DNAH10: variants seen among roughly 807,000 people sequenced by gnomAD.
The protein encoded by DNAH10 is axonemal beta dynein heavy chain 10.
A neutral mutation model predicts 506.6 loss-of-function variants in DNAH10; 348 were observed. The observed-to-expected ratio is 0.69, with a 90% CI of 0.63 to 0.75. DNAH10 has a LOEUF of 0.75. Ranked by LOEUF, DNAH10 falls within the 30% of genes least tolerant of loss-of-function variation. The pLI is 0.00. For synonymous variants in DNAH10, 2,059 were observed against 2,198.6 expected, an observed-to-expected ratio of 0.94 and a Z score of 1.78; for missense variants, 5,179 against 5,787.1, an observed-to-expected ratio of 0.89 and a Z score of 3.41.
intron 1 of DNAH10, among the ~76,000 whole-genome samples, chr12:123,766,748 G>A (rs1029357307): frequency 2.0e-5 from 3 of 152,142 alleles, no homozygotes; most frequent in African/African-American, 7.2e-5. Context: ...TGAGGCACCT[G>A]TTTCCCAATG....
rs1311451662 is a variant in DNAH10 at position 123,800,341 on chromosome 12, C to G, written c.2415C>G (p.Val805=). ...ACTTAGAGCAGCTGGGGTTCACTGT[C>G]CCTGAATTAGCAAGAAATGTTGCTC... ...TKYLEQLGFT[V]PELARNVALQ... is the part of the protein sequence containing the mutation. Residue 805 remains valine (V), a synonymous_variant, in exon 15 of 79, where the codon GTC becomes GTG. Transcript: ENST00000673944. The G allele has an allele frequency of 6.2e-7, 1 of 1,613,918 alleles. No individual in the cohort carries two copies. The highest frequency in any genetic ancestry group is 1.3e-5 in the African/African-American group (1 of 74,896).
At chr12:123,849,045 A>T (rs1951063821) in intron 34 of DNAH10, among the ~76,000 whole-genome samples, 163 bp downstream of exon 34, 1 of 152,150 alleles carries the variant, frequency 6.6e-6, no homozygotes, top group Admixed American at 6.5e-5. Flanking sequence ...GGTTTCCAAA[A>T]TTATCATCAT....
rs1335764839 is a variant in DNAH10 at position 123,841,492 on chromosome 12, T to C, written c.5307T>C (p.Thr1769=). ...CAGTTTTGAATGAGATGAGAAGAAC[T>C]AATAGACTAATTACCAAAGAGGCTA... ...MTAVLNEMRR[T]NRLITKEAIF... is the part of the protein sequence containing the mutation. The change falls in exon 30 of 79, where the codon ACT becomes ACC. Residue 1769 remains threonine (T), a synonymous_variant. Coordinates refer to ENST00000673944, the MANE Select transcript of DNAH10 (RefSeq NM_001372106.1). 6.2e-7 allele frequency: 1 copy of C among 1,613,838 alleles called. No individual in the cohort carries two copies. The highest frequency in any genetic ancestry group is 8.5e-7 in the Non-Finnish European group (1 of 1,179,902).
chr12:123,858,341 C>T (rs1951481464), intron 37 of DNAH10, among the ~76,000 whole-genome samples: 1 of 152,138 alleles, frequency 6.6e-6, no homozygotes, highest in Non-Finnish European at 1.5e-5. Context: ...TCGGGTCGGG[C>T]AGCTTCAGGG....
Position 123,771,601 on chromosome 12 carries a change from C to G in DNAH10, c.299C>G (p.Ala100Gly). ...TCTTAAACTGATTGCTGTTTTGCAGCTAAGCGTGTGTCACTGAGAACCGAA... is the reference window on the plus strand; with the variant it reads ...TCTTAAACTGATTGCTGTTTTGCAGGTAAGCGTGTGTCACTGAGAACCGAA... The part of the protein sequence containing the change: ...QKVESVDKVR[A>G]KRVSLRTESL... The change falls in exon 3 of 79, where the codon GCT (alanine) becomes GGT (glycine). Residue 100 changes from alanine (A) to glycine (G), a missense_variant and splice_region_variant. Physicochemically the swap from Ala to Gly is moderately conservative, Grantham distance 60. Around this residue, in one of 3 missense-constraint regions of DNAH10, gnomAD observed 326 missense variants for 330.8 expected, o/e 0.99. Coordinates refer to ENST00000673944, the MANE Select transcript of DNAH10 (RefSeq NM_001372106.1). 1 of 1,613,078 alleles carries G rather than the reference C, an allele frequency of 6.2e-7. No individual in the cohort carries two copies. The highest frequency in any genetic ancestry group is 2.2e-5 in the East Asian group (1 of 44,882).
chr12:123,920,756 C>CATTT (rs982188209), intron 65 of DNAH10, among the ~76,000 whole-genome samples: 3 of 152,044 alleles, frequency 2.0e-5, no homozygotes, highest in African/African-American at 7.2e-5. Flanking sequence ...TTCCCCCTTG[C>CATTT]ATTTATTTTT....
At chr12:123,934,494 G>A (rs1287898073) in intron 77 of DNAH10, 127 bp from the exon 78 acceptor site, 1 of 1,158,956 alleles carries the variant, frequency 8.6e-7, no homozygotes. Flanking sequence ...GGCCTGGGCT[G>A]TCCCCAATGC....
In DNAH10 at chr12:123,903,168, G is replaced by T; in HGVS notation, c.9815+55G>T. 1.3e-6 allele frequency: 2 copies of T among 1,536,530 alleles called. No individual in the cohort carries two copies. The highest frequency in any genetic ancestry group is 1.8e-6 in the Non-Finnish European group (2 of 1,141,820). Reference sequence around the variant, plus strand: ...TCCATTCCACCTCTGCAAGCCAGTAGTCTCCATGATCGTGGCAACCAGGAG... The same window carrying T: ...TCCATTCCACCTCTGCAAGCCAGTATTCTCCATGATCGTGGCAACCAGGAG... On this transcript the variant is annotated intron_variant, in intron 57 of 78. Transcript: ENST00000673944. This position sits in a 1 kb window ranked among gnomAD's most constrained non-coding sequence, Gnocchi z 4.6.
At chr12:123,805,177 C>A (rs752612185) in intron 18 of DNAH10, 137 bp downstream of exon 18, 21 of 853,092 alleles carry the variant, frequency 2.5e-5, no homozygotes, top group Non-Finnish European at 3.4e-5. Flanking sequence ...CAGAAGGGCA[C>A]TCACAGAATG....
chr12:123,789,446 C>T (rs751486041), intron 10 of DNAH10, among the ~76,000 whole-genome samples: 4 of 151,708 alleles, frequency 2.6e-5, no homozygotes, highest in East Asian at 2.0e-4. Context: ...TGCAGTGGTG[C>T]GATCTTGGCT....
chr12:123,776,987 G>A (rs909018140), intron 5 of DNAH10, among the ~76,000 whole-genome samples: 9 of 152,124 alleles, frequency 5.9e-5, no homozygotes, highest in African/African-American at 9.7e-5. Flanking sequence ...AGGGGGAGAG[G>A]GAAAGTTGAT....
At position 123,859,285 on chromosome 12, in the gene DNAH10, T is replaced by C; in HGVS notation, c.6749+17T>C. ...CCAGACCAAGTGAGTATGACCTCCG[T>C]AGGGAGGGCCTGGCTGCCACAGGGG... On this transcript the variant is annotated intron_variant, in intron 38 of 78. Transcript: ENST00000673944. 2 of 1,554,152 alleles carry C rather than the reference T, an allele frequency of 1.3e-6. No homozygotes were observed. The highest frequency in any genetic ancestry group is 1.7e-6 in the Non-Finnish European group (2 of 1,153,130).
intron 59 of DNAH10, among the ~76,000 whole-genome samples, chr12:123,912,373 G>T (rs1431467323): frequency 2.2e-5 from 1 of 44,716 alleles, no homozygotes; most frequent in Non-Finnish European, 4.2e-5. Context: ...CTGTCCTGGG[G>T]GGTCTGTCCC....
intron 49 of DNAH10, 64 bp from the exon 50 acceptor site, chr12:123,879,570 C>A: frequency 6.3e-7 from 1 of 1,597,762 alleles, no homozygotes; most frequent in South Asian, 1.1e-5. Flanking sequence ...TCCTCTGCTC[C>A]TAGCAAGTTT....
chr12:123,932,225 G>A, intron 76 of DNAH10, 117 bp downstream of exon 76: 7 of 1,243,394 alleles, frequency 5.6e-6, no homozygotes, highest in Non-Finnish European at 7.8e-6. Flanking sequence ...AAAGTTTATT[G>A]GGTGCTCTGG....
chr12:123,840,279 C>A, intron 29 of DNAH10, among the ~76,000 whole-genome samples: 1 of 151,812 alleles, frequency 6.6e-6, no homozygotes, highest in East Asian at 1.9e-4. Context: ...CGAGTGCTTT[C>A]TCCTATTACT....
At chr12:123,880,798 C>A (rs1428278796) in intron 50 of DNAH10, among the ~76,000 whole-genome samples, 42 of 100,700 alleles carry the variant, frequency 4.2e-4, no homozygotes, top group Admixed American at 3.2e-3. Context: ...TATCCCTCCC[C>A]CCTCCCCCCA....
intron 37 of DNAH10, among the ~76,000 whole-genome samples, 153 bp from the exon 38 acceptor site, chr12:123,858,997 A>C (rs1951507873): frequency 6.6e-6 from 1 of 152,152 alleles, no homozygotes; most frequent in African/African-American, 2.4e-5. Flanking sequence ...AAAATTGCTC[A>C]TGGGGATGGT....
At chr12:123,815,797 T>C (rs1475650184) in intron 21 of DNAH10, among the ~76,000 whole-genome samples, 2 of 152,226 alleles carry the variant, frequency 1.3e-5, no homozygotes, top group Non-Finnish European at 2.9e-5. Context: ...ATATAGCTAC[T>C]ACACACCTAG....
Sources: allele counts gnomAD v4.1 joint callset (sites outside exome capture counted in the v4.1 genomes callset), GRCh38; gene constraint gnomAD v4.1.1; regional missense constraint gnomAD v4.1.1; non-coding constraint Gnocchi (gnomAD v3.1); transcripts MANE v1.5; gene names NCBI Gene and HGNC (gene_info 2026-07-23, HGNC 2026-07-21).